Variants in NBEAL1 observed in about 807,000 individuals in gnomAD.
The protein encoded by NBEAL1 is neurobeachin like 1, also known as neurobeachin-like protein 1.
Under a neutral mutation model 351.3 loss-of-function variants are expected in NBEAL1, and 273 were observed. The ratio of observed to expected loss-of-function variants is 0.78; its 90% CI spans 0.70 to 0.86. The LOEUF is 0.86. Among genes scored for constraint, NBEAL1 ranks in the 40% least tolerant of loss-of-function variants. The pLI, the probability that NBEAL1 is intolerant of heterozygous loss-of-function variation, is 0.00. For missense variants in NBEAL1, 2,961 were observed against 3,201.3 expected (o/e 0.92, Z 1.81); for synonymous variants, 1,050 against 1,086.4 (o/e 0.97, Z 0.66).
chr2:203,086,123 G>A (rs923804383), intron 10 of NBEAL1: 24 of 152,072 alleles, frequency 1.6e-4, no homozygotes, highest in African/African-American at 5.1e-4. Context: ...CACAATGTAC[G>A]ATTATATTTT....
At chr2:203,139,557 CTTTTTTTTTTTTTTTT>C (rs370861737) in intron 31 of NBEAL1, among the ~76,000 whole-genome samples, 2 of 67,668 alleles carry the variant, frequency 3.0e-5, no homozygotes, top group African/African-American at 1.3e-4. Context: ...CCACCCCCAC[CTTTTTTTTTTTTTTTT>C]TTTTTTTTTT....
At chr2:203,195,062 G>C (rs1439160128) in intron 47 of NBEAL1, among the ~76,000 whole-genome samples, 2 of 151,786 alleles carry the variant, frequency 1.3e-5, no homozygotes, top group Non-Finnish European at 2.9e-5. Context: ...GCAGGGCATG[G>C]TGGTGGACGC....
At chr2:203,170,723 A>T (rs2106407823) in intron 39 of NBEAL1, among the ~76,000 whole-genome samples, 1 of 152,310 alleles carries the variant, frequency 6.6e-6, no homozygotes, top group South Asian at 2.1e-4. Flanking sequence ...ATTGCCAGTG[A>T]AAAAAGTTTT....
Position 203,217,811 on chromosome 2 carries a change from T to G in NBEAL1, c.*457T>G. 1.0e-6 allele frequency: 1 copy of G among 984,736 alleles called. No homozygotes were observed. Among genetic ancestry groups the G allele is most frequent in the Non-Finnish European group, 1.2e-6 (1 of 829,280 alleles). The allele number at this position is 984,736 out of a possible 1,614,324, so 61.0% of individuals were successfully genotyped here. A position where few individuals can be genotyped will look rare whatever the true frequency, so the allele number is the denominator to read the frequency against. On this transcript the variant is annotated 3_prime_UTR_variant, in exon 56 of 56. Transcript: ENST00000683969. ...GATTGGGGATAATATTTTAAAGGTA[T>G]CTGTTGCACACTTGGATTTTCAAAA...
intron 31 of NBEAL1, among the ~76,000 whole-genome samples, chr2:203,143,165 T>G (rs1219551544): frequency 6.6e-6 from 1 of 152,252 alleles, no homozygotes; most frequent in African/African-American, 2.4e-5. Context: ...TATGTCATTT[T>G]TCCTGCTTTA....
chr2:203,154,889 C>T (rs561977727), intron 35 of NBEAL1, among the ~76,000 whole-genome samples: 4 of 138,938 alleles, frequency 2.9e-5, no homozygotes, highest in African/African-American at 1.1e-4. Flanking sequence ...GAGCCACGAT[C>T]GTGTCACTGC....
intron 47 of NBEAL1, among the ~76,000 whole-genome samples, chr2:203,196,599 T>A (rs1333659736): frequency 6.6e-6 from 1 of 152,228 alleles, no homozygotes; most frequent in African/African-American, 2.4e-5. Flanking sequence ...ACCAACTTTT[T>A]AAAATTTTAT....
In NBEAL1 at chr2:203,112,968, A is replaced by G. The variant is rs1045274440; in HGVS notation, c.2203-47A>G. The G allele has an allele frequency of 6.0e-6, 8 of 1,340,190 alleles. No individual in the cohort carries two copies. The East Asian group carries it at 1.9e-4, about 32-fold the overall frequency. The allele number at this position is 1,340,190 out of a possible 1,614,324, so 83.0% of individuals were successfully genotyped here. ...ATTGTGTAATTTTATGTTAAATATG[A>G]GGATATATGTTAATTAAAATTGTGT... On this transcript the variant is annotated intron_variant, in intron 16 of 55. Coordinates refer to ENST00000683969, the MANE Select transcript of NBEAL1 (RefSeq NM_001378026.1).
At position 203,041,790 on chromosome 2, in the gene NBEAL1, G is replaced by A; in HGVS notation, c.77G>A (p.Trp26Ter). ...AAAGATCCAGATTACCTGAAGCTGT[G>A]GTTGGACACTTTTGTTTCTAGCTAT... The part of the protein sequence containing the change: ...TKKDPDYLKL[W>*]LDTFVSSYEQ... Residue 26 changes from tryptophan to a stop codon, truncating the protein, a stop_gained, in exon 3 of 56, where the codon TGG becomes TAG. Transcript: ENST00000683969. LOFTEE classifies it high-confidence loss of function. 1 of 1,553,600 alleles carries A rather than the reference G, an allele frequency of 6.4e-7. No individual in the cohort carries two copies. Among genetic ancestry groups the A allele is most frequent in the Non-Finnish European group, 8.7e-7 (1 of 1,147,366 alleles).
chr2:203,094,984 C>T (rs188656218), intron 10 of NBEAL1, among the ~76,000 whole-genome samples: 17 of 151,876 alleles, frequency 1.1e-4, no homozygotes, highest in African/African-American at 3.9e-4. Flanking sequence ...ATTAGCCAGG[C>T]GTGGTGGCGC....
At chr2:203,190,494 C>A in intron 46 of NBEAL1, 105 bp downstream of exon 46, 2 of 826,996 alleles carry the variant, frequency 2.4e-6, no homozygotes, top group South Asian at 1.7e-5. Context: ...CAGTTACTCT[C>A]AGTCACAGAA....
intron 8 of NBEAL1, among the ~76,000 whole-genome samples, chr2:203,078,785 G>C (rs530081644): frequency 6.6e-5 from 10 of 152,182 alleles, no homozygotes; most frequent in South Asian, 2.1e-4. Context: ...ACGTCCCCTT[G>C]GCAATCTGAT....
At chr2:203,140,092 G>A (rs1414731615) in intron 31 of NBEAL1, among the ~76,000 whole-genome samples, 1 of 151,754 alleles carries the variant, frequency 6.6e-6, no homozygotes, top group Admixed American at 6.6e-5. Flanking sequence ...CCTGAGGTCC[G>A]AAGTTTGAGA....
intron 51 of NBEAL1, among the ~76,000 whole-genome samples, chr2:203,207,288 G>T (rs549107661): frequency 2.0e-5 from 3 of 150,382 alleles, no homozygotes; most frequent in South Asian, 2.1e-4. Context: ...GGAGGGAGGT[G>T]GGGGGGTCAG....
chr2:203,137,696 T>G (rs2063249930), intron 29 of NBEAL1, among the ~76,000 whole-genome samples: 1 of 152,120 alleles, frequency 6.6e-6, no homozygotes, highest in South Asian at 2.1e-4. Context: ...TTAAATTCCA[T>G]TTATAGGCCT....
intron 18 of NBEAL1, among the ~76,000 whole-genome samples, 161 bp from the exon 19 acceptor site, chr2:203,122,089 ATTCT>A (rs2062845388): frequency 6.6e-6 from 1 of 152,240 alleles, no homozygotes; most frequent in East Asian, 1.9e-4. Context: ...CCCGGCCCTG[ATTCT>A]TTCTTTTAAA....
intron 35 of NBEAL1, among the ~76,000 whole-genome samples, chr2:203,156,192 C>T (rs1045070553): frequency 6.6e-6 from 1 of 152,194 alleles, no homozygotes; most frequent in Non-Finnish European, 1.5e-5. Context: ...CTCCTCATAT[C>T]TCTGAAATTC....
In NBEAL1 at chr2:203,116,010, G is replaced by C. The variant is rs371316448; in HGVS notation, c.2532G>C (p.Lys844Asn). The C allele has an allele frequency of 6.4e-7, 1 of 1,553,266 alleles. No individual in the cohort carries two copies. Among genetic ancestry groups the C allele is most frequent in the Admixed American group, 2.0e-5 (1 of 51,010 alleles). The change falls in exon 18 of 56, where the codon AAG (lysine) becomes AAC (asparagine). Residue 844 changes from lysine (K) to asparagine (N), a missense_variant. Coordinates refer to ENST00000683969, the MANE Select transcript of NBEAL1 (RefSeq NM_001378026.1). ...LAGPNCLSPW[K>N]CQESDMADLP... ...GTCCAAATTGTTTAAGCCCTTGGAA[G>C]TGTCAAGAGTCTGACATGGCCGACC...
Position 203,144,869 on chromosome 2 carries a change from T to TA in NBEAL1, c.5120dup (p.Asn1707LysfsTer4), listed in dbSNP as rs1559402502. On this transcript the variant is annotated frameshift_variant, in exon 32 of 56. Coordinates refer to ENST00000683969, the MANE Select transcript of NBEAL1 (RefSeq NM_001378026.1). LOFTEE classifies it high-confidence loss of function. The stretch of plus-strand genomic sequence containing the variant: ...TTTTTGAAGATTTTCAAGAATATTG[T>TA]AATTCAAATGAATGGCAAGTTTACA... 6.2e-7 allele frequency: 1 copy of TA among 1,604,452 alleles called. No individual in the cohort carries two copies. The highest frequency in any genetic ancestry group is 8.5e-7 in the Non-Finnish European group (1 of 1,176,556).
Sources: gnomAD v4.1 joint callset for allele counts (sites outside exome capture counted in the v4.1 genomes callset) on GRCh38, gnomAD v4.1.1 for gene constraint, MANE v1.5 for transcripts, NCBI Gene and HGNC (gene_info 2026-07-23, HGNC 2026-07-21) for gene names.